The following EPB41L4A variants were observed in gnomAD, a reference collection of about 807,000 sequenced individuals.
EPB41L4A encodes erythrocyte membrane protein band 4.1 like 4A.
EPB41L4A carries 100 observed loss-of-function variants against 108.6 expected under a neutral mutation model. The observed-to-expected ratio is 0.92, with a 90% CI of 0.78 to 1.09. The LOEUF (loss-of-function observed/expected upper bound fraction) is 1.09. EPB41L4A is among the 50% of genes least tolerant of loss of function. EPB41L4A has a pLI of 0.00. For synonymous variants in EPB41L4A, 319 were observed against 289.0 expected (o/e 1.10, Z -1.05); for missense variants, 1,030 against 842.7 (o/e 1.22, Z -2.75).
At chr5:112,168,291 T>C (rs1291121104) in intron 22 of EPB41L4A, among the ~76,000 whole-genome samples, 1 of 152,216 alleles carries the variant, frequency 6.6e-6, no homozygotes, top group Non-Finnish European at 1.5e-5. Flanking sequence ...TTTAAAAACA[T>C]TTCCAGAATT....
intron 12 of EPB41L4A, 71 bp downstream of exon 12, chr5:112,234,563 G>T: frequency 1.4e-6 from 2 of 1,472,922 alleles, no homozygotes; most frequent in Non-Finnish European, 9.3e-7. Flanking sequence ...GACATCACCT[G>T]AGTATATCTT....
At chr5:112,254,687 C>A (rs915921160) in intron 9 of EPB41L4A, among the ~76,000 whole-genome samples, 54 of 152,192 alleles carry the variant, frequency 3.5e-4, no homozygotes, top group African/African-American at 1.3e-3. Context: ...GACATGGAAA[C>A]CCAATCCTCA....
At chr5:112,166,568 ACT>A (rs1344909658) in intron 22 of EPB41L4A, among the ~76,000 whole-genome samples, 3 of 88,614 alleles carry the variant, frequency 3.4e-5, no homozygotes, top group African/African-American at 1.2e-4. Flanking sequence ...TTTAAATGCC[ACT>A]CTCTGAGATG....
intron 18 of EPB41L4A, among the ~76,000 whole-genome samples, chr5:112,177,733 C>T (rs1760941031): frequency 6.6e-6 from 1 of 151,934 alleles, no homozygotes; most frequent in Admixed American, 6.6e-5. Flanking sequence ...TTAAATGTTA[C>T]AATATTCATC....
At chr5:112,384,959 C>G (rs1162880295) in intron 1 of EPB41L4A, among the ~76,000 whole-genome samples, 1 of 152,206 alleles carries the variant, frequency 6.6e-6, no homozygotes, top group East Asian at 1.9e-4. Flanking sequence ...CAGTCCTGAT[C>G]ACTGCACAAG....
chr5:112,258,984 T>C lies in EPB41L4A; in HGVS notation c.795+245A>G, dbSNP rs1225861638. Reference sequence around the variant, plus strand: ...TAACAACAATGATCACCTCCTATTCTCTCCTCTGCCTTAGAAAGGTTTTGC... The same window carrying C: ...TAACAACAATGATCACCTCCTATTCCCTCCTCTGCCTTAGAAAGGTTTTGC... On this transcript the variant is annotated intron_variant, in intron 9 of 22. Transcript: ENST00000261486. Among the ~76,000 whole-genome samples the C allele has an allele frequency of 2.0e-5, 3 of 152,234 alleles. No homozygotes were observed. The East Asian group carries it at 5.8e-4, about 29-fold the overall frequency.
At chr5:112,231,828 C>T (rs940053176) in intron 12 of EPB41L4A, among the ~76,000 whole-genome samples, 1 of 149,120 alleles carries the variant, frequency 6.7e-6, no homozygotes, top group Admixed American at 6.7e-5. Context: ...GATCCACCTG[C>T]CAGGCACAGT....
chr5:112,143,348 T>C (rs1759133160), exon 14 of EPB41L4A: 1 of 152,328 alleles, frequency 6.6e-6, no homozygotes, highest in South Asian at 2.1e-4. Context: ...GCCTAACATA[T>C]AGTAGATTCT....
intron 2 of EPB41L4A, among the ~76,000 whole-genome samples, chr5:112,300,776 C>T (rs1207838516): frequency 6.6e-6 from 1 of 152,144 alleles, no homozygotes; most frequent in Non-Finnish European, 1.5e-5. Context: ...CTCAGGAATG[C>T]CAATTATTCT....
At chr5:112,419,610 G>A (rs1366318068), upstream of EPB41L4A, 1 of 455,086 alleles carries the variant, frequency 2.2e-6, no homozygotes, top group African/African-American at 2.0e-5. Context: ...GAAGCGCTCG[G>A]CTTTTCTTTT....
At chr5:112,266,625 C>T (rs1408660714) in intron 4 of EPB41L4A, among the ~76,000 whole-genome samples, 1 of 152,182 alleles carries the variant, frequency 6.6e-6, no homozygotes, top group Non-Finnish European at 1.5e-5. Context: ...TCTACAACAG[C>T]CAGCCTCCCC....
chr5:112,262,920 G>A (rs1364185786), intron 6 of EPB41L4A, among the ~76,000 whole-genome samples: 1 of 152,126 alleles, frequency 6.6e-6, no homozygotes, highest in African/African-American at 2.4e-5. Flanking sequence ...TTCACAAAGA[G>A]TAAAATGTCT....
At chr5:112,335,686 T>C (rs1756873187) in intron 1 of EPB41L4A, among the ~76,000 whole-genome samples, 1 of 152,216 alleles carries the variant, frequency 6.6e-6, no homozygotes, top group Non-Finnish European at 1.5e-5. Context: ...TCCCCATATC[T>C]ACTTCTGCTC....
intron 2 of EPB41L4A, among the ~76,000 whole-genome samples, chr5:112,283,742 G>T (rs1753105445): frequency 6.6e-6 from 1 of 152,082 alleles, no homozygotes; most frequent in Non-Finnish European, 1.5e-5. Context: ...AAAGTTGAAT[G>T]AGACCCGTGA....
At position 112,285,691 on chromosome 5, in the gene EPB41L4A, T is replaced by C. The variant is rs138223794; in HGVS notation, c.205-5368A>G. ...TTCAAGAAATCTCTGATGGACCATG[T>C]GGCTTCTCATAAAGTGTCACTGGCC... is the stretch of plus-strand genomic sequence containing the variant. On this transcript the variant is annotated intron_variant, in intron 2 of 22. Transcript: ENST00000261486. 4.0e-4 allele frequency among the ~76,000 whole-genome samples: 61 copies of C among 152,292 alleles called. No homozygotes were observed. The East Asian group carries it at 9.8e-3, about 25-fold the overall frequency.
intron 1 of EPB41L4A, among the ~76,000 whole-genome samples, chr5:112,397,410 T>G (rs1761431227): frequency 6.6e-6 from 1 of 152,206 alleles, no homozygotes; most frequent in Non-Finnish European, 1.5e-5. Flanking sequence ...ATGTACACAG[T>G]ATCTACTAAG....
intron 7 of EPB41L4A, among the ~76,000 whole-genome samples, chr5:112,260,566 A>G (rs1197726719): frequency 1.3e-5 from 2 of 152,136 alleles, no homozygotes; most frequent in African/African-American, 4.8e-5. Context: ...GCAGACACAC[A>G]CTTGAATTTT....
chr5:112,414,079 T>C (rs1451136899), intron 1 of EPB41L4A, among the ~76,000 whole-genome samples: 1 of 152,230 alleles, frequency 6.6e-6, no homozygotes, highest in African/African-American at 2.4e-5. Context: ...ACTCGGCTAG[T>C]AAGTAATTAG....
rs113680851 is a variant in EPB41L4A at position 112,262,373 on chromosome 5, T to TA, written c.642+120dup. On this transcript the variant is annotated intron_variant, in intron 7 of 22. Transcript: ENST00000261486. ...AGCTGCTTTGTGTTAGAAAAACAGA[T>TA]AAAAAAGTATCATCTGCTTGCTAAA... is the stretch of plus-strand genomic sequence containing the variant. The TA allele has an allele frequency of 2.1e-5, 16 of 778,064 alleles. 1 individual carries two copies. Among genetic ancestry groups the TA allele is most frequent in the African/African-American group, 1.0e-4 (6 of 57,702 alleles). 48.2% of individuals were successfully genotyped at this position (778,064 alleles called of 1,614,324 possible).
Sources: allele counts gnomAD v4.1 joint callset (sites outside exome capture counted in the v4.1 genomes callset), GRCh38; gene constraint gnomAD v4.1.1; transcripts MANE v1.5; gene names NCBI Gene and HGNC (gene_info 2026-07-23, HGNC 2026-07-21).